The following CEP128 variants were observed in gnomAD, a reference collection of about 807,000 sequenced individuals.
The protein encoded by CEP128 is centrosomal protein 128.
Under a neutral mutation model 156.7 loss-of-function variants are expected in CEP128, and 132 were observed. The ratio of observed to expected loss-of-function variants is 0.84; its 90% confidence interval spans 0.73 to 0.97. CEP128 has a LOEUF of 0.97. Among genes scored for constraint, CEP128 ranks in the 50% least tolerant of loss-of-function variants. CEP128 has a pLI of 0.00. For synonymous variants in CEP128, 469 were observed against 448.9 expected (o/e 1.04, Z -0.57); for missense variants, 1,252 against 1,281.9 (o/e 0.98, Z 0.36).
chr14:80,879,683 T>C (rs748052198), intron 8 of CEP128, among the ~76,000 whole-genome samples: 2 of 151,932 alleles, frequency 1.3e-5, no homozygotes, highest in African/African-American at 2.4e-5. Flanking sequence ...TAAAGACTTA[T>C]AAAAAACCAT....
chr14:80,754,908 C>T (rs879914427), intron 18 of CEP128, among the ~76,000 whole-genome samples: 8 of 152,336 alleles, frequency 5.3e-5, no homozygotes, highest in Admixed American at 5.2e-4. Flanking sequence ...TCTACGGAAA[C>T]TGCTTACCTG....
Position 80,812,855 on chromosome 14 carries a change from G to A in CEP128, c.1209+18288C>T, listed in dbSNP as rs556747182. Among the ~76,000 whole-genome samples the A allele has an allele frequency of 5.3e-5, 8 of 152,196 alleles. No homozygotes were observed. In the East Asian group the frequency reaches 9.7e-4, roughly 18 times the overall value. Reference sequence around the variant, plus strand: ...TGGGATTACAAGCGTGAGCCACCGCGCCCGGCCTGTTTTTGTCTGTTTGTT... The same window carrying A: ...TGGGATTACAAGCGTGAGCCACCGCACCCGGCCTGTTTTTGTCTGTTTGTT... On this transcript the variant is annotated intron_variant, in intron 13 of 24. Transcript: ENST00000555265.
chr14:80,830,603 T>G (rs926247645), intron 13 of CEP128: 2 of 175,314 alleles, frequency 1.1e-5, no homozygotes, highest in Admixed American at 1.2e-4. Context: ...CAGGAAATGG[T>G]AGCTGCCTAG....
rs751628644 is a variant in CEP128 at position 80,778,015 on chromosome 14, T to A, written c.2243A>T (p.Lys748Ile). The change falls in exon 16 of 25, where the codon AAA (lysine) becomes ATA (isoleucine). Residue 748 changes from lysine to isoleucine, a missense_variant. Transcript: ENST00000555265. ...AESLEEKNMA[K>I]IHRGQLEKLK... ...CTTCTCCAGCTGACCACGATGAATT[T>A]TAGCCATATTCTTCTCTTCTAAACT... 3.7e-6 allele frequency: 6 copies of A among 1,613,548 alleles called. No individual in the cohort carries two copies. Among genetic ancestry groups the A allele is most frequent in the Non-Finnish European group, 4.2e-6 (5 of 1,179,888 alleles).
chr14:80,492,338 C>A (rs1014857947), downstream of CEP128, among the ~76,000 whole-genome samples: 1 of 152,128 alleles, frequency 6.6e-6, no homozygotes, highest in Non-Finnish European at 1.5e-5. Context: ...GGTTAATAGA[C>A]CAGGTCACAC....
At chr14:80,635,148 T>C (rs1022424051) in intron 19 of CEP128, among the ~76,000 whole-genome samples, 16 of 152,232 alleles carry the variant, frequency 1.1e-4, no homozygotes, top group African/African-American at 3.4e-4. Flanking sequence ...AAGAGCCTTA[T>C]AGAAATGTTT....
chr14:80,872,312 C>T (rs1299784527), intron 8 of CEP128, among the ~76,000 whole-genome samples: 1 of 152,130 alleles, frequency 6.6e-6, no homozygotes, highest in Non-Finnish European at 1.5e-5. Context: ...TTTTCCATGA[C>T]ATCATACTAT....
chr14:80,670,100 C>T (rs1895778632), intron 19 of CEP128, among the ~76,000 whole-genome samples: 1 of 152,126 alleles, frequency 6.6e-6, no homozygotes, highest in East Asian at 1.9e-4. Context: ...ATGAGGATGG[C>T]ATCAACAGGA....
At chr14:80,705,455 C>A (rs1897210241) in intron 19 of CEP128, among the ~76,000 whole-genome samples, 1 of 152,060 alleles carries the variant, frequency 6.6e-6, no homozygotes, top group South Asian at 2.1e-4. Context: ...GAGAATTAGT[C>A]AGACTAATTC....
chr14:80,797,568 T>A (rs899320265), intron 13 of CEP128, among the ~76,000 whole-genome samples: 6 of 152,112 alleles, frequency 3.9e-5, no homozygotes, highest in African/African-American at 1.4e-4. Context: ...CTCCTAAGGA[T>A]CCTATTCAGC....
At chr14:80,764,603 A>G (rs1900147549) in intron 16 of CEP128, among the ~76,000 whole-genome samples, 1 of 152,214 alleles carries the variant, frequency 6.6e-6, no homozygotes. Flanking sequence ...TTTGAAGTAA[A>G]AGCTGTAGGA....
In CEP128 at chr14:80,756,955, CA is replaced by C. The variant is rs751127681; in HGVS notation, c.2554-5del. Reference sequence around the variant, plus strand: ...TATCAGGACCAGATGAAAAAACCTACAAAAGAGAAAACAGTCGATTAGAAAT... The same window carrying C: ...TATCAGGACCAGATGAAAAAACCTACAAAGAGAAAACAGTCGATTAGAAAT... On this transcript the variant is annotated splice_polypyrimidine_tract_variant and splice_region_variant and intron_variant, in intron 17 of 24. Coordinates refer to ENST00000555265, the MANE Select transcript of CEP128 (RefSeq NM_152446.5). The C allele has an allele frequency of 3.2e-5, 51 of 1,582,852 alleles. No individual in the cohort carries two copies. In the Admixed American group the frequency reaches 5.1e-4, roughly 16 times the overall value.
At chr14:80,709,065 A>T (rs1431101154) in intron 19 of CEP128, among the ~76,000 whole-genome samples, 1 of 151,270 alleles carries the variant, frequency 6.6e-6, no homozygotes, top group African/African-American at 2.4e-5. Context: ...CGCCTGTAAT[A>T]AAAAAATAAA....
At chr14:80,592,462 G>A (rs1892119106) in intron 19 of CEP128, among the ~76,000 whole-genome samples, 2 of 152,158 alleles carry the variant, frequency 1.3e-5, no homozygotes, top group Non-Finnish European at 2.9e-5. Context: ...GGAAGAAGCT[G>A]AATCCCTGAA....
At chr14:80,755,672 A>T (rs327443) in intron 18 of CEP128, among the ~76,000 whole-genome samples, 53,080 of 152,004 alleles carry the variant, frequency 0.35, 9,630 homozygotes, top group South Asian at 0.49. Context: ...CTTTCCATAT[A>T]GTTTTTTGTC....
At chr14:80,481,150 C>A (rs1887044103) in intron 14 of CEP128, among the ~76,000 whole-genome samples, 2 of 152,102 alleles carry the variant, frequency 1.3e-5, no homozygotes, top group Non-Finnish European at 2.9e-5. Context: ...CATGCTGCTG[C>A]TAAAGACATA....
intron 19 of CEP128, among the ~76,000 whole-genome samples, chr14:80,710,682 A>G (rs1358337773): frequency 6.6e-6 from 1 of 152,088 alleles, no homozygotes; most frequent in Non-Finnish European, 1.5e-5. Context: ...TCCTACATCA[A>G]CCTGTCCAAA....
At chr14:80,555,370 G>A (rs1890387506) in intron 21 of CEP128, among the ~76,000 whole-genome samples, 1 of 151,922 alleles carries the variant, frequency 6.6e-6, no homozygotes, top group African/African-American at 2.4e-5. Context: ...AATAATTTTT[G>A]TTCACAGACA....
rs1159453498 is a variant in CEP128 at position 80,778,059 on chromosome 14, G to A, written c.2212-13C>T. ...CTAAACTTTCAGCCTGAGAAAAAGA[G>A]AAGGAAAAAACAGAAAGTCCACTAG... On this transcript the variant is annotated splice_polypyrimidine_tract_variant and intron_variant, in intron 15 of 24. Transcript: ENST00000555265. 5 of 1,605,488 alleles carry A rather than the reference G, an allele frequency of 3.1e-6. No individual in the cohort carries two copies. Among genetic ancestry groups the A allele is most frequent in the Admixed American group, 3.4e-5 (2 of 58,628 alleles).
Sources: allele counts gnomAD v4.1 joint callset (sites outside exome capture counted in the v4.1 genomes callset), GRCh38; gene constraint gnomAD v4.1.1; transcripts MANE v1.5; gene names NCBI Gene and HGNC (gene_info 2026-07-23, HGNC 2026-07-21).